TMEM87B: variants seen among roughly 807,000 people sequenced by gnomAD.
TMEM87B encodes the protein transmembrane protein 87B.
TMEM87B carries 83 observed loss-of-function variants against 80.3 expected under a neutral mutation model. The ratio of observed to expected loss-of-function variants is 1.03; its 90% CI spans 0.87 to 1.24. The LOEUF (loss-of-function observed/expected upper bound fraction) is 1.24. Among genes scored for constraint, TMEM87B ranks in the 50% most tolerant of loss-of-function variants. The pLI is 0.00. For missense variants in TMEM87B, 625 were observed against 674.4 expected, an observed-to-expected ratio of 0.93 and a Z score of 0.81; for synonymous variants, 219 against 230.5, an observed-to-expected ratio of 0.95 and a Z score of 0.45.
At chr2:112,072,878 T>A (rs997840927) in intron 4 of TMEM87B, among the ~76,000 whole-genome samples, 5 of 150,544 alleles carry the variant, frequency 3.3e-5, no homozygotes, top group Non-Finnish European at 7.4e-5. Flanking sequence ...TAATTTGAGA[T>A]CTTTTTAACT....
intron 15 of TMEM87B, among the ~76,000 whole-genome samples, chr2:112,101,666 G>T (rs1477792012): frequency 6.6e-6 from 1 of 152,132 alleles, no homozygotes; most frequent in Non-Finnish European, 1.5e-5. Flanking sequence ...GAAAGGGGAG[G>T]CAGCAAAGGC....
chr2:112,085,835 C>T (rs1303982938), intron 8 of TMEM87B, among the ~76,000 whole-genome samples, 170 bp from the exon 9 acceptor site: 2 of 152,160 alleles, frequency 1.3e-5, no homozygotes, highest in Non-Finnish European at 2.9e-5. Context: ...GAGTATGAAT[C>T]CTTCACTGAA....
intron 11 of TMEM87B, among the ~76,000 whole-genome samples, chr2:112,095,725 T>A (rs6731563): frequency 0.5 from 75,468 of 152,018 alleles, 19,251 homozygotes; most frequent in East Asian, 0.87. Context: ...GTAGCTTTAG[T>A]ACTAAAATGA....
At chr2:112,082,320 C>T (rs992707542) in intron 8 of TMEM87B, among the ~76,000 whole-genome samples, 4 of 152,082 alleles carry the variant, frequency 2.6e-5, no homozygotes, top group African/African-American at 9.7e-5. Flanking sequence ...TGCAGTGGTG[C>T]GATTTTTGCT....
intron 14 of TMEM87B, 113 bp downstream of exon 14, chr2:112,098,811 A>T: frequency 1.0e-6 from 1 of 957,252 alleles, no homozygotes; most frequent in Non-Finnish European, 1.6e-6. Context: ...AGGAGTATAC[A>T]GTCAAGTAGG....
intron 4 of TMEM87B, among the ~76,000 whole-genome samples, chr2:112,072,944 G>T (rs1185411721): frequency 7.6e-6 from 1 of 131,582 alleles, no homozygotes; most frequent in Non-Finnish European, 1.5e-5. Context: ...CTGTTGCCCA[G>T]GCTGGAGGGC....
chr2:112,068,674 A>T (rs896804927), intron 4 of TMEM87B, among the ~76,000 whole-genome samples: 11 of 151,898 alleles, frequency 7.2e-5, no homozygotes, highest in African/African-American at 2.7e-4. Context: ...GCTGCACTCC[A>T]GCCTGGGCAA....
intron 15 of TMEM87B, among the ~76,000 whole-genome samples, chr2:112,101,184 A>C (rs1287867536): frequency 6.6e-6 from 1 of 152,200 alleles, no homozygotes; most frequent in Non-Finnish European, 1.5e-5. Flanking sequence ...TGTTAAGGCA[A>C]CATCAATAAG....
At position 112,116,077 on chromosome 2, in the gene TMEM87B, T is replaced by A. The variant is rs770103023; in HGVS notation, c.1609-7T>A. 4 of 1,610,410 alleles carry A rather than the reference T, an allele frequency of 2.5e-6. No homozygotes were observed. The African/African-American group carries it at 5.3e-5, about 22-fold the overall frequency. On this transcript the variant is annotated splice_polypyrimidine_tract_variant and splice_region_variant and intron_variant, in intron 18 of 18. Transcript: ENST00000283206. Reference sequence around the variant, plus strand: ...TGTTGATACATATCTTCTTTTTTTTTCTTCAGGAAATCATGACCAGATCTG... The same window carrying A: ...TGTTGATACATATCTTCTTTTTTTTACTTCAGGAAATCATGACCAGATCTG...
chr2:112,055,827 C>A (rs1337788779), intron 1 of TMEM87B, 71 bp downstream of exon 1: 2 of 1,426,676 alleles, frequency 1.4e-6, no homozygotes, highest in African/African-American at 3.0e-5. Context: ...CTTCGCTTGA[C>A]CCCGGGCTTG....
Position 112,112,026 on chromosome 2 carries a change from G to T in TMEM87B, c.1578-873G>T, listed in dbSNP as rs181846805. Among the ~76,000 whole-genome samples the T allele has an allele frequency of 1.8e-3, 279 of 152,048 alleles. 1 individual carries two copies. Among genetic ancestry groups the T allele is most frequent in the African/African-American group, 6.6e-3 (272 of 41,426 alleles). On this transcript the variant is annotated intron_variant, in intron 17 of 18. Transcript: ENST00000283206. ...CTTCTCCCCCATATTTTCCTTAATC[G>T]TATTATTCCAAACAGTCTGCCTTGC...
Position 112,057,575 on chromosome 2 carries a change from C to G in TMEM87B, c.165+1819C>G, listed in dbSNP as rs192164179. On this transcript the variant is annotated intron_variant, in intron 1 of 18. Transcript: ENST00000283206. Reference sequence around the variant, plus strand: ...ACAGGCATGAGCCACTACACCTGGCCAAGAAATGGTTCTTTTGAGTGTACA... The same window carrying G: ...ACAGGCATGAGCCACTACACCTGGCGAAGAAATGGTTCTTTTGAGTGTACA... Among the ~76,000 whole-genome samples the G allele has an allele frequency of 4.9e-3, 743 of 151,950 alleles. 5 individuals carry two copies. The highest frequency in any genetic ancestry group is 8.2e-3 in the Non-Finnish European group (556 of 67,914).
chr2:112,064,794 G>C (rs900344048), intron 3 of TMEM87B, among the ~76,000 whole-genome samples: 1 of 152,190 alleles, frequency 6.6e-6, no homozygotes. Flanking sequence ...TGTTTCTCTT[G>C]ATGATTCTCG....
At chr2:112,113,204 A>C (rs1679968210) in intron 18 of TMEM87B, among the ~76,000 whole-genome samples, 1 of 152,230 alleles carries the variant, frequency 6.6e-6, no homozygotes, top group African/African-American at 2.4e-5. Context: ...CAGTTTGTCT[A>C]AATTAATCTC....
chr2:112,055,916 G>A (rs768777533), intron 1 of TMEM87B, among the ~76,000 whole-genome samples, 160 bp downstream of exon 1: 2 of 152,062 alleles, frequency 1.3e-5, no homozygotes, highest in Non-Finnish European at 1.5e-5. Context: ...GCCGGGGAGC[G>A]GGGAGCGGCC....
At chr2:112,082,445 C>T (rs1025305648) in intron 8 of TMEM87B, among the ~76,000 whole-genome samples, 1 of 152,084 alleles carries the variant, frequency 6.6e-6, no homozygotes, top group African/African-American at 2.4e-5. Flanking sequence ...ATGAATTGGA[C>T]TATAGATGAA....
At chr2:112,065,643 CAA>C (rs58619427) in intron 3 of TMEM87B, among the ~76,000 whole-genome samples, 96 of 75,332 alleles carry the variant, frequency 1.3e-3, no homozygotes, top group African/African-American at 2.5e-3. Context: ...ACCTTGTCTT[CAA>C]AAAAAAAAAA....
intron 3 of TMEM87B, among the ~76,000 whole-genome samples, chr2:112,064,920 A>G (rs991932436): frequency 3.9e-5 from 6 of 152,084 alleles, no homozygotes; most frequent in African/African-American, 7.2e-5. Context: ...ATATGTATAT[A>G]TCTATACATA....
intron 6 of TMEM87B, among the ~76,000 whole-genome samples, chr2:112,080,577 G>A (rs1292398307): frequency 6.6e-6 from 1 of 151,998 alleles, no homozygotes; most frequent in African/African-American, 2.4e-5. Context: ...CTTTTAATTG[G>A]GTTTTTTGTT....
Sources: allele counts gnomAD v4.1 joint callset (sites outside exome capture counted in the v4.1 genomes callset), GRCh38; gene constraint gnomAD v4.1.1; transcripts MANE v1.5; gene names NCBI Gene and HGNC (gene_info 2026-07-23, HGNC 2026-07-21).